Variants in MESD observed in about 807,000 individuals in gnomAD.
MESD encodes mesoderm development LRP chaperone.
Under a neutral mutation model 12.9 loss-of-function variants are expected in MESD, and 7 were observed. That is an observed-to-expected ratio of 0.54 (90% CI 0.31 to 1.02). The LOEUF (loss-of-function observed/expected upper bound fraction) is 1.02. MESD is among the 50% of genes least tolerant of loss of function. The probability of loss-of-function intolerance (pLI) is 0.05; values close to 1 mark genes in which losing one functional copy is unlikely to be tolerated. For synonymous variants in MESD, 126 were observed against 115.6 expected, an observed-to-expected ratio of 1.09 and a Z score of -0.58; for missense variants, 342 against 296.7, an observed-to-expected ratio of 1.15 and a Z score of -1.12.
Position 80,989,819 on chromosome 15 carries a change from C to A in MESD, c.-28G>T. On this transcript the variant is annotated 5_prime_UTR_variant, in exon 1 of 3. Coordinates refer to ENST00000261758, the MANE Select transcript of MESD (RefSeq NM_015154.3). ...TCGCTGCGCCGCGCAGCGCCCTAGA[C>A]GCGCTTACCCGACCTGCGCGGGCCG... is the stretch of plus-strand genomic sequence containing the variant. 4 of 1,536,618 alleles carry A rather than the reference C, an allele frequency of 2.6e-6. No homozygotes were observed. Among genetic ancestry groups the A allele is most frequent in the Non-Finnish European group, 3.5e-6 (4 of 1,146,120 alleles).
chr15:80,975,583 C>A (rs35139199), downstream of MESD, among the ~76,000 whole-genome samples: 7,848 of 151,838 alleles, frequency 0.052, 285 homozygotes, highest in Non-Finnish European at 0.074. Context: ...GTTCCTTTCC[C>A]TTGTTCAGTG....
At chr15:80,949,014 C>T (rs1901696579) in intron 4 of MESD, 2 of 1,536,194 alleles carry the variant, frequency 1.3e-6, no homozygotes, top group East Asian at 2.2e-5. Context: ...TCCCCCAGCC[C>T]CTGCCAGCAG....
At chr15:80,946,930 T>C, downstream of MESD, 4 of 1,462,550 alleles carry the variant, frequency 2.7e-6, no homozygotes, top group Non-Finnish European at 3.8e-6. Flanking sequence ...CAGTTTGCTC[T>C]CTCCCTCTGG....
At chr15:80,961,852 G>T (rs1902092490) in intron 3 of MESD, among the ~76,000 whole-genome samples, 2 of 152,160 alleles carry the variant, frequency 1.3e-5, no homozygotes, top group Non-Finnish European at 2.9e-5. Context: ...ATTAAACATG[G>T]AAAGGAACAA....
At chr15:80,981,890 A>C in intron 2 of MESD, 60 bp downstream of exon 2, 1 of 1,134,542 alleles carries the variant, frequency 8.8e-7, no homozygotes, top group East Asian at 2.4e-5. Context: ...ATTAATAATA[A>C]TAATAAAGAA....
intron 3 of MESD, among the ~76,000 whole-genome samples, chr15:80,960,062 G>C (rs907779117): frequency 1.3e-5 from 2 of 152,134 alleles, no homozygotes; most frequent in African/African-American, 4.8e-5. Context: ...GTGAACAAAG[G>C]GGGTTTAAGA....
At chr15:80,975,230 A>C (rs2141804234), downstream of MESD, among the ~76,000 whole-genome samples, 1 of 151,862 alleles carries the variant, frequency 6.6e-6, no homozygotes, top group Admixed American at 6.6e-5. Flanking sequence ...ACAAAAAAAA[A>C]AAAACCTAGC....
intron 3 of MESD, among the ~76,000 whole-genome samples, chr15:80,963,923 A>G (rs1263269837): frequency 6.6e-6 from 1 of 152,202 alleles, no homozygotes; most frequent in East Asian, 1.9e-4. Context: ...GGCTCCAGAC[A>G]AGGATGCCCT....
At chr15:80,982,269 GT>G in intron 1 of MESD, 87 bp from the exon 2 acceptor site, 1 of 1,004,066 alleles carries the variant, frequency 1.0e-6, no homozygotes, top group Admixed American at 2.1e-5. Flanking sequence ...ATGATGTCAG[GT>G]GCATGTATAT....
At chr15:80,984,932 C>T (rs909314915) in intron 1 of MESD, among the ~76,000 whole-genome samples, 1 of 152,036 alleles carries the variant, frequency 6.6e-6, no homozygotes, top group Non-Finnish European at 1.5e-5. Context: ...TGATCCATAC[C>T]GACGTCAGAC....
downstream of MESD, among the ~76,000 whole-genome samples, chr15:80,973,045 C>A (rs1902325198): frequency 6.6e-6 from 1 of 151,626 alleles, no homozygotes; most frequent in Admixed American, 6.6e-5. Context: ...ACAAAAAAAA[C>A]AAAAACCTTC....
intron 3 of MESD, among the ~76,000 whole-genome samples, chr15:80,954,905 C>G (rs1194550715): frequency 6.6e-6 from 1 of 152,158 alleles, no homozygotes; most frequent in Non-Finnish European, 1.5e-5. Flanking sequence ...TGGCCCAAGA[C>G]AATTCTCCTT....
downstream of MESD, among the ~76,000 whole-genome samples, chr15:80,974,506 T>C (rs769628773): frequency 7.9e-5 from 12 of 151,642 alleles, no homozygotes; most frequent in Middle Eastern, 0.014. Context: ...ATTTTTTGAG[T>C]AATAGAAGTT....
chr15:80,961,277 GA>G (rs146807735), intron 3 of MESD, among the ~76,000 whole-genome samples: 114 of 115,840 alleles, frequency 9.8e-4, no homozygotes, highest in South Asian at 1.9e-3. Flanking sequence ...GGAACAAAAA[GA>G]AAAAAAAAAA....
intron 3 of MESD, among the ~76,000 whole-genome samples, chr15:80,966,437 G>C (rs1295018587): frequency 6.6e-6 from 1 of 152,164 alleles, no homozygotes; most frequent in Admixed American, 6.5e-5. Context: ...CTACTCATTT[G>C]CAGAGCCAGT....
intron 3 of MESD, among the ~76,000 whole-genome samples, chr15:80,969,784 G>A (rs562973009): frequency 7.9e-5 from 12 of 152,310 alleles, no homozygotes; most frequent in African/African-American, 2.9e-4. Flanking sequence ...GAATCCGGGA[G>A]GCGGAAGTTG....
chr15:80,959,551 G>T (rs1424619269), intron 3 of MESD, among the ~76,000 whole-genome samples: 1 of 152,150 alleles, frequency 6.6e-6, no homozygotes, highest in Non-Finnish European at 1.5e-5. Flanking sequence ...ATCAAAGTTG[G>T]TAAGGGGGAT....
At chr15:80,951,433 C>T (rs1901821891) in intron 4 of MESD, 1 of 152,548 alleles carries the variant, frequency 6.6e-6, no homozygotes, top group Non-Finnish European at 1.5e-5. Context: ...GTTTGTAAGA[C>T]TTAAGTGAGT....
downstream of MESD, among the ~76,000 whole-genome samples, chr15:80,973,563 T>C (rs1158344374): frequency 6.6e-6 from 1 of 152,016 alleles, no homozygotes; most frequent in Non-Finnish European, 1.5e-5. Context: ...GTTCAGTTCT[T>C]ACTATGAACA....
Sources: gnomAD v4.1 joint callset for allele counts (sites outside exome capture counted in the v4.1 genomes callset) on GRCh38, gnomAD v4.1.1 for gene constraint, MANE v1.5 for transcripts, NCBI Gene and HGNC (gene_info 2026-07-23, HGNC 2026-07-21) for gene names.